Variants in SHTN1 observed in about 807,000 individuals in gnomAD.
SHTN1 encodes the protein shootin-1.
In SHTN1, 42 loss-of-function variants were observed where a neutral mutation model predicts 83.1. The ratio of observed to expected loss-of-function variants is 0.51; its 90% CI spans 0.39 to 0.65. The LOEUF (loss-of-function observed/expected upper bound fraction) is 0.65. Among genes scored for constraint, SHTN1 ranks in the 30% least tolerant of loss-of-function variants. The pLI, the probability that SHTN1 is intolerant of heterozygous loss-of-function variation, is 0.00. For missense variants in SHTN1, 622 were observed against 737.8 expected (o/e 0.84, Z 1.82); for synonymous variants, 224 against 247.7 (o/e 0.90, Z 0.90).
chr10:116,888,986 T>C (rs1355244281), intron 16 of SHTN1, among the ~76,000 whole-genome samples: 2 of 152,376 alleles, frequency 1.3e-5, no homozygotes, highest in African/African-American at 4.8e-5. Flanking sequence ...TTTCACCATC[T>C]TGGGCCTGGG....
chr10:116,951,847 A>G (rs544122524), intron 6 of SHTN1, 62 bp downstream of exon 6: 55 of 924,238 alleles, frequency 6.0e-5, no homozygotes, highest in Middle Eastern at 4.4e-4. Flanking sequence ...TTCTTAACTT[A>G]GCAAATCCCC....
chr10:117,122,064 A>G (rs937555839), intron 1 of SHTN1, among the ~76,000 whole-genome samples: 6 of 152,164 alleles, frequency 3.9e-5, no homozygotes, highest in African/African-American at 1.4e-4. Flanking sequence ...ATAAATAAAG[A>G]AATAAATCAT....
intron 1 of SHTN1, among the ~76,000 whole-genome samples, chr10:117,077,890 C>T (rs1392327545): frequency 6.6e-6 from 1 of 152,098 alleles, no homozygotes. Flanking sequence ...TATCTTGATG[C>T]CCCAAATAAA....
chr10:116,960,203 T>C lies in SHTN1; in HGVS notation c.200A>G (p.Asn67Ser). 1 of 1,609,082 alleles carries C rather than the reference T, an allele frequency of 6.2e-7. No homozygotes were observed. Among genetic ancestry groups the C allele is most frequent in the Non-Finnish European group, 8.5e-7 (1 of 1,175,816 alleles). ...TATTTCAAGATGGTTCTGCATGAAA[T>C]TAACTTCCTCTATGACCATGTGAGA... ...KISHMVIEEV[N>S]FMQNHLEIEK... Residue 67 changes from asparagine (N) to serine (S), a missense_variant, in exon 4 of 17, where the codon AAT becomes AGT. This residue lies in a region of SHTN1 where 383 missense variants were observed against 455.8 expected (regional missense o/e 0.84). Coordinates refer to ENST00000355371, the MANE Select transcript of SHTN1 (RefSeq NM_001127211.3).
intron 1 of SHTN1, among the ~76,000 whole-genome samples, chr10:117,088,976 C>T (rs1390098187): frequency 6.6e-6 from 1 of 152,144 alleles, no homozygotes; most frequent in African/African-American, 2.4e-5. Flanking sequence ...TCCCTATAAC[C>T]TGGCACATTA....
At chr10:117,022,881 G>T (rs1169452686) in intron 2 of SHTN1, among the ~76,000 whole-genome samples, 1 of 152,160 alleles carries the variant, frequency 6.6e-6, no homozygotes, top group Non-Finnish European at 1.5e-5. Flanking sequence ...TTGCACTCCT[G>T]CACTCCAGCC....
In SHTN1 at chr10:116,885,285, T is replaced by C. The variant is rs1185676395; in HGVS notation, c.*1059A>G. 1 of 152,644 alleles carries C rather than the reference T, an allele frequency of 6.6e-6. No homozygotes were observed. Among genetic ancestry groups the C allele is most frequent in the Non-Finnish European group, 1.5e-5 (1 of 68,036 alleles). 9.5% of individuals were successfully genotyped at this position (152,644 alleles called of 1,614,324 possible). The stretch of plus-strand genomic sequence containing the variant: ...CTGAATCATTGTCATAAAAAGTGCA[T>C]TCAAGTACATTACCACTTATTTTAA... On this transcript the variant is annotated 3_prime_UTR_variant, in exon 17 of 17. Coordinates refer to ENST00000355371, the MANE Select transcript of SHTN1 (RefSeq NM_001127211.3).
intron 1 of SHTN1, among the ~76,000 whole-genome samples, chr10:117,078,861 C>A (rs1363792871): frequency 6.6e-6 from 1 of 151,992 alleles, no homozygotes; most frequent in Non-Finnish European, 1.5e-5. Flanking sequence ...AGGAATTGGT[C>A]CATTTCATCT....
At chr10:117,040,569 T>C (rs1852569287) in intron 2 of SHTN1, among the ~76,000 whole-genome samples, 1 of 152,230 alleles carries the variant, frequency 6.6e-6, no homozygotes, top group Admixed American at 6.5e-5. Flanking sequence ...TAATGTAAGA[T>C]GCTAATAATA....
chr10:116,910,569 G>A (rs928714542), intron 14 of SHTN1, among the ~76,000 whole-genome samples: 7 of 152,126 alleles, frequency 4.6e-5, no homozygotes, highest in Admixed American at 2.6e-4. Flanking sequence ...TCATAGAGAC[G>A]TCTGATTTTC....
chr10:117,068,084 A>C (rs1747588935), intron 1 of SHTN1, among the ~76,000 whole-genome samples: 2 of 152,084 alleles, frequency 1.3e-5, no homozygotes, highest in African/African-American at 4.8e-5. Context: ...GCAGACGAGA[A>C]ATGGGAACCC....
chr10:117,087,909 C>A (rs1424072246), intron 1 of SHTN1, among the ~76,000 whole-genome samples: 2 of 152,076 alleles, frequency 1.3e-5, no homozygotes, highest in Non-Finnish European at 2.9e-5. Flanking sequence ...TTGAGACCAC[C>A]CTGGGCAACA....
intron 1 of SHTN1, among the ~76,000 whole-genome samples, chr10:117,062,913 T>C (rs1412103913): frequency 2.0e-5 from 3 of 152,148 alleles, no homozygotes; most frequent in African/African-American, 7.2e-5. Flanking sequence ...TGGCAAGGCA[T>C]AGGTAATTAC....
intron 1 of SHTN1, among the ~76,000 whole-genome samples, chr10:117,058,166 T>C (rs922913334): frequency 6.6e-6 from 1 of 151,900 alleles, no homozygotes; most frequent in African/African-American, 2.4e-5. Flanking sequence ...AAGGAAAAAA[T>C]AGACAAGTTG....
intron 1 of SHTN1, among the ~76,000 whole-genome samples, chr10:117,001,804 T>A (rs1489777949): frequency 6.6e-6 from 1 of 152,192 alleles, no homozygotes; most frequent in Admixed American, 6.5e-5. Flanking sequence ...ATACCCTGAC[T>A]TGATCATTAT....
At chr10:116,988,170 T>C (rs1851289391) in intron 1 of SHTN1, among the ~76,000 whole-genome samples, 1 of 152,176 alleles carries the variant, frequency 6.6e-6, no homozygotes, top group African/African-American at 2.4e-5. Flanking sequence ...ACCACATTAA[T>C]TAAAGCAAGA....
At chr10:116,986,353 A>G (rs1851217459) in intron 1 of SHTN1, among the ~76,000 whole-genome samples, 1 of 152,226 alleles carries the variant, frequency 6.6e-6, no homozygotes, top group African/African-American at 2.4e-5. Context: ...TTATTAGAGA[A>G]GCAGCCTGGA....
chr10:116,914,908 T>G (rs987089360), intron 13 of SHTN1, among the ~76,000 whole-genome samples: 2 of 152,050 alleles, frequency 1.3e-5, no homozygotes, highest in African/African-American at 4.8e-5. Context: ...TTCCCCAGAG[T>G]TGTCCTAGTT....
At position 116,992,417 on chromosome 10, in the gene SHTN1, A is replaced by C. The variant is rs115971910; in HGVS notation, c.58+12605T>G. On this transcript the variant is annotated intron_variant, in intron 1 of 16. Coordinates refer to ENST00000355371, the MANE Select transcript of SHTN1 (RefSeq NM_001127211.3). ...TCTAAAAGCAATTCAAAGCCCACTT[A>C]TTCTAACTAACCCCAAATCTCACCT... Among the ~76,000 whole-genome samples the C allele has an allele frequency of 4.3e-3, 655 of 152,332 alleles. 7 individuals are homozygous for C. The highest frequency in any genetic ancestry group is 0.015 in the African/African-American group (627 of 41,588).
Sources: allele counts gnomAD v4.1 joint callset (sites outside exome capture counted in the v4.1 genomes callset), GRCh38; gene constraint gnomAD v4.1.1; regional missense constraint gnomAD v4.1.1; transcripts MANE v1.5; gene names NCBI Gene and HGNC (gene_info 2026-07-23, HGNC 2026-07-21).